Variants in TRIM43B observed in about 807,000 individuals in gnomAD.
TRIM43B encodes the protein tripartite motif containing 43B, also known as tripartite motif-containing protein 43B.
In TRIM43B, 15 loss-of-function variants were observed where a neutral mutation model predicts 27.0. The ratio of observed to expected loss-of-function variants is 0.55; its 90% CI spans 0.37 to 0.85. TRIM43B has a LOEUF of 0.85. TRIM43B is among the 40% of genes least tolerant of loss of function. TRIM43B has a pLI of 0.00. For missense variants in TRIM43B, 172 were observed against 289.8 expected (o/e 0.59, Z 2.95); for synonymous variants, 69 against 97.8 (o/e 0.71, Z 1.74).
At chr2:95,482,476 G>A (rs901585249) in exon 2 of TRIM43B, 1 of 1,602,846 alleles carries the variant, frequency 6.2e-7, no homozygotes, top group African/African-American at 1.3e-5. Flanking sequence ...CCAGAGACTG[G>A]CTTTTCTGGC....
At chr2:95,481,879 A>G in intron 2 of TRIM43B, among the ~76,000 whole-genome samples, 189 bp from the exon 3 acceptor site, 1 of 152,010 alleles carries the variant, frequency 6.6e-6, no homozygotes, top group African/African-American at 2.4e-5. Flanking sequence ...AGTTTAGGGA[A>G]CTGAAGAGTG....
rs750487407 is a variant in TRIM43B, at chr2:95,481,580, C to T, written c.507+15G>A. ...GTCTCAAGCTGGTCAGGAGGACTCACGGTCTCATACTTACCCTCAAGAGGA... is the reference window on the plus strand; with the variant it reads ...GTCTCAAGCTGGTCAGGAGGACTCATGGTCTCATACTTACCCTCAAGAGGA... On this transcript the variant is annotated intron_variant, in intron 3 of 6. Transcript: ENST00000639673. The T allele has an allele frequency of 5.9e-5, 94 of 1,600,128 alleles. 3 individuals carry two copies. In the South Asian group the frequency reaches 9.1e-4, roughly 15 times the overall value.
At position 95,483,133 on chromosome 2, in the gene TRIM43B, T is replaced by C. The variant is rs187869330; in HGVS notation, c.-4-415A>G. ...GAAAGCTAACTAAGCTCTTCTACTC[T>C]CATTATTTTATTTAACTATAACAAC... On this transcript the variant is annotated intron_variant, in intron 1 of 6. Transcript: ENST00000639673. Among the ~76,000 whole-genome samples, 336 of 152,232 alleles carry C rather than the reference T, an allele frequency of 2.2e-3. 2 individuals carry two copies. Among genetic ancestry groups the C allele is most frequent in the African/African-American group, 7.8e-3 (326 of 41,544 alleles).
intron 3 of TRIM43B, among the ~76,000 whole-genome samples, chr2:95,480,742 C>G (rs1412688482): frequency 6.6e-6 from 1 of 152,030 alleles, no homozygotes; most frequent in East Asian, 1.9e-4. Flanking sequence ...ATGTTTAAAT[C>G]AAATCGGAAA....
exon 2 of TRIM43B, chr2:95,482,609 T>A (rs781322919): frequency 5.6e-6 from 9 of 1,613,602 alleles, no homozygotes; most frequent in Non-Finnish European, 7.6e-6. Flanking sequence ...AGACAGGGCC[T>A]ACAGAAGCTG....
intron 4 of TRIM43B, 100 bp downstream of exon 4, chr2:95,480,205 T>C (rs1303593017): frequency 1.1e-5 from 16 of 1,494,328 alleles, no homozygotes; most frequent in Non-Finnish European, 1.4e-5. Context: ...TCACCGTCAG[T>C]GCAGGAGATG....
chr2:95,483,622 T>A (rs1683577681), intron 1 of TRIM43B, among the ~76,000 whole-genome samples: 1 of 151,134 alleles, frequency 6.6e-6, no homozygotes. Context: ...TGTCACGAGA[T>A]CAAGACCATC....
At chr2:95,480,786 T>C (rs1683508609) in intron 3 of TRIM43B, among the ~76,000 whole-genome samples, 1 of 152,190 alleles carries the variant, frequency 6.6e-6, no homozygotes, top group Non-Finnish European at 1.5e-5. Context: ...TTATGATTGA[T>C]TGTTACATTG....
At chr2:95,481,195 C>T (rs568681949) in intron 3 of TRIM43B, among the ~76,000 whole-genome samples, 34 of 152,030 alleles carry the variant, frequency 2.2e-4, no homozygotes, top group South Asian at 1.5e-3. Context: ...TCCTTTGCTA[C>T]CAGATTTCAC....
At chr2:95,481,156 T>C (rs1450910776) in intron 3 of TRIM43B, among the ~76,000 whole-genome samples, 11 of 152,076 alleles carry the variant, frequency 7.2e-5, no homozygotes, top group African/African-American at 2.4e-4. Context: ...ATGTTGCATT[T>C]TCTCCTACTC....
rs1363028068 is a variant in TRIM43B at position 95,482,312 on chromosome 2, C to T, written c.403G>A (p.Glu135Lys). The change falls in exon 2 of 7, where the codon GAA becomes AAA. Residue 135 changes from glutamate to lysine, a missense_variant. Glu to Lys is a moderately conservative substitution (Grantham distance 56). Around this residue, in one of 3 missense-constraint regions of TRIM43B, gnomAD observed 67 missense variants for 66.4 expected, o/e 1.01. Coordinates refer to ENST00000639673, the Ensembl canonical transcript of TRIM43B. Reference sequence around the variant, plus strand: ...ACAGAGCTATCTCTTACCCGGTCTTCCTCAGCTGCCTCTTCGATGGGATAG... The same window carrying T: ...ACAGAGCTATCTCTTACCCGGTCTTTCTCAGCTGCCTCTTCGATGGGATAG... 1.9e-6 allele frequency: 3 copies of T among 1,611,562 alleles called. No homozygotes were observed. In the African/African-American group the frequency reaches 4.0e-5, roughly 22 times the overall value.
exon 2 of TRIM43B, chr2:95,482,530 A>C: frequency 6.2e-7 from 1 of 1,610,974 alleles, no homozygotes; most frequent in Non-Finnish European, 8.5e-7. Context: ...TTTGAAGTCC[A>C]TTTTCGGTGA....
chr2:95,482,252 CTT>C, intron 2 of TRIM43B, 50 bp downstream of exon 2: 1 of 1,546,374 alleles, frequency 6.5e-7, no homozygotes, highest in South Asian at 1.2e-5. Context: ...CTTCTAATCT[CTT>C]TAACTCTGCC....
intron 1 of TRIM43B, among the ~76,000 whole-genome samples, chr2:95,482,923 A>C (rs1391747723): frequency 6.6e-6 from 1 of 152,156 alleles, no homozygotes; most frequent in Non-Finnish European, 1.5e-5. Context: ...TTCTCCAATC[A>C]ACACATGACC....
chr2:95,481,049 T>C (rs996898157), intron 3 of TRIM43B, among the ~76,000 whole-genome samples: 8 of 152,040 alleles, frequency 5.3e-5, no homozygotes, highest in Non-Finnish European at 7.3e-5. Context: ...TCTAAGAACA[T>C]TAATCCCCAT....
chr2:95,483,733 C>T (rs568701463), intron 1 of TRIM43B, among the ~76,000 whole-genome samples: 1 of 152,060 alleles, frequency 6.6e-6, no homozygotes, highest in East Asian at 1.9e-4. Context: ...GAGGCGGGGC[C>T]TGGAGAATGG....
chr2:95,482,288 C>A lies in TRIM43B; in HGVS notation c.411+16G>T. On this transcript the variant is annotated intron_variant, in intron 2 of 6. Coordinates refer to ENST00000639673, the Ensembl canonical transcript of TRIM43B. Reference sequence around the variant, plus strand: ...CCACCCTCCAGCTTTCAGGTGATCACAGAGCTATCTCTTACCCGGTCTTCC... The same window carrying A: ...CCACCCTCCAGCTTTCAGGTGATCAAAGAGCTATCTCTTACCCGGTCTTCC... 2 of 1,610,842 alleles carry A rather than the reference C, an allele frequency of 1.2e-6. No individual in the cohort carries two copies. The highest frequency in any genetic ancestry group is 1.7e-6 in the Non-Finnish European group (2 of 1,179,342).
chr2:95,484,565 T>C (rs537418241), intron 1 of TRIM43B, 41 bp downstream of exon 1: 2 of 152,288 alleles, frequency 1.3e-5, no homozygotes, highest in South Asian at 2.1e-4. Context: ...TTTTGGTTTG[T>C]AACCTAATAG....
chr2:95,482,645 C>T, exon 2 of TRIM43B: 5 of 1,613,768 alleles, frequency 3.1e-6, no homozygotes, highest in Non-Finnish European at 4.2e-6. Flanking sequence ...GTGACAGGGT[C>T]TACCAGGTAG....
Sources: gnomAD v4.1 joint callset for allele counts (sites outside exome capture counted in the v4.1 genomes callset) on GRCh38, gnomAD v4.1.1 for gene constraint, gnomAD v4.1.1 regional missense constraint, MANE v1.5 for transcripts, NCBI Gene and HGNC (gene_info 2026-07-23, HGNC 2026-07-21) for gene names.